Variants in DSCAM observed in about 807,000 individuals in gnomAD.
DSCAM encodes the protein cell adhesion molecule DSCAM.
DSCAM carries 47 observed loss-of-function variants against 217.7 expected under a neutral mutation model. The observed-to-expected ratio is 0.22, with a 90% CI of 0.17 to 0.28. The LOEUF (loss-of-function observed/expected upper bound fraction) is 0.28, where lower values mean the gene tolerates loss of function less well. DSCAM is among the 10% of genes least tolerant of loss of function. The pLI is 1.00. For missense variants in DSCAM, 2,080 were observed against 2,618.3 expected (o/e 0.79, Z 4.49); for synonymous variants, 1,056 against 1,015.3 (o/e 1.04, Z -0.76).
At chr21:40,454,091 C>T (rs572955249) in intron 3 of DSCAM, among the ~76,000 whole-genome samples, 2 of 152,270 alleles carry the variant, frequency 1.3e-5, no homozygotes, top group East Asian at 3.9e-4. Flanking sequence ...TATATATAAG[C>T]CAATTAGACA....
chr21:40,809,360 G>C (rs891918119), intron 1 of DSCAM, among the ~76,000 whole-genome samples: 1 of 152,174 alleles, frequency 6.6e-6, no homozygotes, highest in African/African-American at 2.4e-5. Flanking sequence ...CTGGGGGTGG[G>C]ACTTCAAAGC....
intron 25 of DSCAM, among the ~76,000 whole-genome samples, chr21:40,079,834 G>A (rs2297262): frequency 0.3 from 44,871 of 152,022 alleles, 6,737 homozygotes; most frequent in East Asian, 0.47. Flanking sequence ...GGAGAAGGGC[G>A]CCTCCAAACG....
intron 3 of DSCAM, among the ~76,000 whole-genome samples, chr21:40,453,418 T>A (rs1016634007): frequency 6.6e-6 from 1 of 152,202 alleles, no homozygotes; most frequent in African/African-American, 2.4e-5. Context: ...TTCTGCACTA[T>A]GACAGGCAAA....
intron 3 of DSCAM, among the ~76,000 whole-genome samples, chr21:40,635,827 A>C (rs1386180334): frequency 6.6e-6 from 1 of 152,206 alleles, no homozygotes; most frequent in Non-Finnish European, 1.5e-5. Context: ...GTAATCGCTC[A>C]GAACTGCACT....
chr21:40,580,361 C>T (rs1197216153), intron 3 of DSCAM, among the ~76,000 whole-genome samples: 11 of 151,836 alleles, frequency 7.2e-5, no homozygotes, highest in African/African-American at 2.4e-4. Flanking sequence ...GGTGAAACCC[C>T]GTCTCTACTA....
chr21:40,347,605 T>G, intron 6 of DSCAM, 65 bp downstream of exon 6: 3 of 1,600,048 alleles, frequency 1.9e-6, no homozygotes, highest in Non-Finnish European at 2.6e-6. Flanking sequence ...CCCTGTCTTC[T>G]TCTTTTCTGA....
chr21:40,577,466 G>T (rs1047238509), intron 3 of DSCAM, among the ~76,000 whole-genome samples: 1 of 151,952 alleles, frequency 6.6e-6, no homozygotes, highest in African/African-American at 2.4e-5. Flanking sequence ...GCCCCCCTCC[G>T]AGCCGGCTGT....
At chr21:40,445,991 A>G (rs1043216480) in intron 3 of DSCAM, among the ~76,000 whole-genome samples, 2 of 152,204 alleles carry the variant, frequency 1.3e-5, no homozygotes, top group African/African-American at 4.8e-5. Context: ...ACATGGCTTA[A>G]TGAGGGATCA....
chr21:40,365,156 G>C (rs931918027), intron 4 of DSCAM, among the ~76,000 whole-genome samples: 32 of 152,120 alleles, frequency 2.1e-4, no homozygotes, highest in South Asian at 4.1e-4. Context: ...TCCTGGGTGT[G>C]TCTGTGAGGG....
chr21:40,701,721 T>A (rs749827411), intron 2 of DSCAM, among the ~76,000 whole-genome samples: 1 of 152,080 alleles, frequency 6.6e-6, no homozygotes, highest in African/African-American at 2.4e-5. Flanking sequence ...TATTCAGTAT[T>A]CAGGTACTTG....
chr21:40,252,130 A>G (rs1409371750), intron 11 of DSCAM, among the ~76,000 whole-genome samples: 4 of 152,224 alleles, frequency 2.6e-5, no homozygotes, highest in Non-Finnish European at 5.9e-5. Context: ...TGAAGCCAGG[A>G]CCTCAGTAAG....
intron 11 of DSCAM, among the ~76,000 whole-genome samples, chr21:40,229,639 T>A (rs2091363437): frequency 6.6e-6 from 1 of 152,224 alleles, no homozygotes; most frequent in South Asian, 2.1e-4. Flanking sequence ...CTTCTTTCCC[T>A]TAATATGCAC....
At chr21:40,689,848 A>C (rs1208249260) in intron 3 of DSCAM, among the ~76,000 whole-genome samples, 1 of 152,228 alleles carries the variant, frequency 6.6e-6, no homozygotes, top group Non-Finnish European at 1.5e-5. Context: ...CATTCAGGAC[A>C]GCTTCCCTGA....
chr21:40,748,064 C>T (rs1248525886), intron 1 of DSCAM, among the ~76,000 whole-genome samples: 2 of 151,524 alleles, frequency 1.3e-5, no homozygotes, highest in African/African-American at 4.8e-5. Flanking sequence ...AACAACACAC[C>T]TTAATTTAAT....
intron 32 of DSCAM, among the ~76,000 whole-genome samples, chr21:40,026,741 C>T (rs1369332997): frequency 1.4e-5 from 2 of 147,052 alleles, no homozygotes; most frequent in African/African-American, 5.1e-5. Context: ...CTTCCTCCAT[C>T]CTTTTATTTT....
chr21:40,467,378 C>T (rs2075853870), intron 3 of DSCAM, among the ~76,000 whole-genome samples: 1 of 152,180 alleles, frequency 6.6e-6, no homozygotes, highest in South Asian at 2.1e-4. Context: ...TCTGTAAACA[C>T]ATTTAAATGT....
chr21:40,503,557 A>G (rs1197035439), intron 3 of DSCAM, among the ~76,000 whole-genome samples: 1 of 152,228 alleles, frequency 6.6e-6, no homozygotes. Flanking sequence ...AGTGCTATCA[A>G]GGAGCTGTCA....
intron 10 of DSCAM, among the ~76,000 whole-genome samples, chr21:40,295,384 C>T (rs2073942802): frequency 6.6e-6 from 1 of 152,128 alleles, no homozygotes; most frequent in Non-Finnish European, 1.5e-5. Context: ...TAACATGATT[C>T]CACTCTTCGT....
intron 1 of DSCAM, among the ~76,000 whole-genome samples, chr21:40,827,607 G>C (rs1444973403): frequency 6.6e-6 from 1 of 151,850 alleles, no homozygotes; most frequent in Non-Finnish European, 1.5e-5. Flanking sequence ...GTGTTCAACA[G>C]AGACTGAAAG....
Sources: allele counts gnomAD v4.1 joint callset (sites outside exome capture counted in the v4.1 genomes callset), GRCh38; gene constraint gnomAD v4.1.1; transcripts MANE v1.5; gene names NCBI Gene and HGNC (gene_info 2026-07-23, HGNC 2026-07-21).